The following COL22A1 variants were observed in gnomAD, a reference collection of about 807,000 sequenced individuals.
COL22A1 encodes the protein collagen alpha-1(XXII) chain.
A neutral mutation model predicts 248.9 loss-of-function variants in COL22A1; 221 were observed. The observed-to-expected ratio is 0.89, with a 90% CI of 0.80 to 0.99. COL22A1 has a LOEUF of 0.99. Ranked by LOEUF, COL22A1 falls within the 50% of genes least tolerant of loss-of-function variation. The probability of loss-of-function intolerance (pLI) is 0.00; values close to 1 mark genes in which losing one functional copy is unlikely to be tolerated. For synonymous variants in COL22A1, 891 were observed against 793.4 expected (o/e 1.12, Z -2.07); for missense variants, 2,240 against 2,179.0 (o/e 1.03, Z -0.56).
intron 3 of COL22A1, among the ~76,000 whole-genome samples, chr8:138,850,980 G>A (rs1821597553): frequency 6.6e-6 from 1 of 152,200 alleles, no homozygotes; most frequent in South Asian, 2.1e-4. Flanking sequence ...CAAGGAACAA[G>A]TGCAAACACA....
Position 138,821,353 on chromosome 8 carries a change from A to G in COL22A1, c.1028T>C (p.Met343Thr). The G allele has an allele frequency of 6.2e-7, 1 of 1,614,092 alleles. No individual in the cohort carries two copies. Among genetic ancestry groups the G allele is most frequent in the South Asian group, 1.1e-5 (1 of 91,068 alleles). ...KAVEYNAVGA[M>T]KDAVRVVFRG... ...GAAGACCACCCTGACAGCATCTTTCATGGCACCCACAGCGTTGTACTCGAC... is the reference window on the plus strand; with the variant it reads ...GAAGACCACCCTGACAGCATCTTTCGTGGCACCCACAGCGTTGTACTCGAC... Residue 343 changes from methionine (M) to threonine (T), a missense_variant, in exon 7 of 65, where the codon ATG becomes ACG. Physicochemically the swap from Met to Thr is moderately conservative, Grantham distance 81 (BLOSUM62 -1). Transcript: ENST00000303045.
At chr8:138,878,495 A>C (rs1378693573) in intron 2 of COL22A1, among the ~76,000 whole-genome samples, 179 bp from the exon 3 acceptor site, 1 of 152,062 alleles carries the variant, frequency 6.6e-6, no homozygotes, top group Non-Finnish European at 1.5e-5. Context: ...ACACCTTCAC[A>C]TGGCAATAAT....
At chr8:138,777,193 G>A (rs1005370679) in intron 15 of COL22A1, among the ~76,000 whole-genome samples, 4 of 152,168 alleles carry the variant, frequency 2.6e-5, no homozygotes, top group African/African-American at 4.8e-5. Context: ...TAGAGATAGC[G>A]GGTGCCACCC....
chr8:138,603,027 C>A (rs762238226), intron 59 of COL22A1, among the ~76,000 whole-genome samples: 1 of 152,238 alleles, frequency 6.6e-6, no homozygotes, highest in African/African-American at 2.4e-5. Flanking sequence ...CCCGGGGGCT[C>A]TTTTCCCATC....
intron 56 of COL22A1, among the ~76,000 whole-genome samples, chr8:138,610,313 G>C (rs756265010): frequency 8.5e-5 from 13 of 152,100 alleles, no homozygotes; most frequent in Admixed American, 2.0e-4. Flanking sequence ...CTTACCTCTG[G>C]GTGTCTGTAG....
In COL22A1 at chr8:138,635,085, T is replaced by C. The variant is rs554136763; in HGVS notation, c.3556-22A>G. The C allele has an allele frequency of 1.2e-4, 196 of 1,585,440 alleles. 3 individuals carry two copies. The South Asian group carries it at 2.1e-3, about 17-fold the overall frequency. On this transcript the variant is annotated intron_variant, in intron 48 of 64. Transcript: ENST00000303045. ...GACCCTAGGAAAACACAAGATGCAA[T>C]TCTTTAAAATGACTTGAAAAATACT...
At chr8:138,807,665 T>C in intron 10 of COL22A1, 103 bp downstream of exon 10, 1 of 1,097,996 alleles carries the variant, frequency 9.1e-7, no homozygotes, top group South Asian at 1.4e-5. Flanking sequence ...AGGCAAAATA[T>C]TAGCAAGGCA....
chr8:138,613,786 C>A lies in COL22A1; in HGVS notation c.3978+81G>T. The stretch of plus-strand genomic sequence containing the variant: ...TTTTTTAACAATATATACAGTGGCA[C>A]CAGAGGGAACTAACTAAATATCATT... On this transcript the variant is annotated intron_variant, in intron 56 of 64. Transcript: ENST00000303045. 3.2e-6 allele frequency: 4 copies of A among 1,233,872 alleles called. No individual in the cohort carries two copies. In the South Asian group the frequency reaches 4.8e-5, roughly 15 times the overall value. 76.4% of individuals were successfully genotyped at this position (1,233,872 alleles called of 1,614,324 possible).
At chr8:138,595,388 C>T (rs73448884) in intron 62 of COL22A1, among the ~76,000 whole-genome samples, 2,290 of 152,166 alleles carry the variant, frequency 0.015, 57 homozygotes, top group African/African-American at 0.049. Context: ...CATTTTGAAA[C>T]GGCTCTTGTC....
At chr8:138,693,579 G>A (rs760949923) in intron 35 of COL22A1, 67 bp downstream of exon 35, 16 of 1,476,312 alleles carry the variant, frequency 1.1e-5, no homozygotes, top group Non-Finnish European at 1.4e-5. Flanking sequence ...CCATAGAGCA[G>A]AGCAGACACT....
At chr8:138,600,997 G>A (rs1223016328) in intron 60 of COL22A1, among the ~76,000 whole-genome samples, 1 of 152,180 alleles carries the variant, frequency 6.6e-6, no homozygotes, top group African/African-American at 2.4e-5. Flanking sequence ...GTAGTCTAAT[G>A]GCTCCCTGGC....
chr8:138,854,004 G>A (rs1202889288), intron 3 of COL22A1, among the ~76,000 whole-genome samples: 1 of 152,200 alleles, frequency 6.6e-6, no homozygotes, highest in African/African-American at 2.4e-5. Context: ...CAAGGGTGTG[G>A]AGACCCTTTA....
rs551176671 is a variant in COL22A1, at chr8:138,741,201, C to A, written c.2086-3624G>T. Among the ~76,000 whole-genome samples the A allele has an allele frequency of 5.9e-5, 9 of 152,316 alleles. No individual in the cohort carries two copies. In the East Asian group the frequency reaches 7.7e-4, roughly 13 times the overall value. On this transcript the variant is annotated intron_variant, in intron 22 of 64. Transcript: ENST00000303045. Reference sequence around the variant, plus strand: ...ACATCTCAGCCCATCAAAATCACATCCCAGTTCAGTGCTATCTCTTCCATG... The same window carrying A: ...ACATCTCAGCCCATCAAAATCACATACCAGTTCAGTGCTATCTCTTCCATG...
At chr8:138,882,252 G>A (rs1035530417) in intron 2 of COL22A1, among the ~76,000 whole-genome samples, 1 of 151,782 alleles carries the variant, frequency 6.6e-6, no homozygotes. Context: ...TCCTCCTCTC[G>A]CAGGAACACA....
chr8:138,839,635 G>A (rs1175496711), intron 4 of COL22A1, among the ~76,000 whole-genome samples: 3 of 152,134 alleles, frequency 2.0e-5, no homozygotes, highest in African/African-American at 7.2e-5. Flanking sequence ...GGCAGGTGAG[G>A]AGGGAGGGAT....
chr8:138,594,130 G>A lies in COL22A1; in HGVS notation c.4502C>T (p.Pro1501Leu). Residue 1501 changes from proline (P) to leucine (L), a missense_variant, in exon 63 of 65, where the codon CCC becomes CTC. By Grantham distance (98) the Pro-to-Leu change is moderately conservative (BLOSUM62 -3). Transcript: ENST00000303045. Reference sequence around the variant, plus strand: ...CCCATCTTTTCCAGGGGGCCCTGGGGGCCCAGGTCTGCCTTGAGATGACTT... The same window carrying A: ...CCCATCTTTTCCAGGGGGCCCTGGGAGCCCAGGTCTGCCTTGAGATGACTT... ...YMKSSQGRPG[P>L]PGPPGKDGLP... The A allele has an allele frequency of 1.3e-6, 2 of 1,576,178 alleles. No individual in the cohort carries two copies. Among genetic ancestry groups the A allele is most frequent in the African/African-American group, 2.8e-5 (2 of 71,624 alleles).
intron 3 of COL22A1, among the ~76,000 whole-genome samples, chr8:138,856,418 AAG>A (rs1563849397): frequency 1.3e-5 from 2 of 151,856 alleles, no homozygotes; most frequent in African/African-American, 4.8e-5. Flanking sequence ...CAGCAAGAGA[AAG>A]AGAGAGAAAG....
At chr8:138,727,790 A>AGGGGC (rs1465084078) in intron 23 of COL22A1, among the ~76,000 whole-genome samples, 1 of 152,064 alleles carries the variant, frequency 6.6e-6, no homozygotes, top group Non-Finnish European at 1.5e-5. Context: ...GGAGCAACGG[A>AGGGGC]GGGGCAGGGC....
intron 16 of COL22A1, among the ~76,000 whole-genome samples, chr8:138,768,157 T>C (rs992053617): frequency 1.3e-5 from 2 of 152,098 alleles, no homozygotes; most frequent in Non-Finnish European, 2.9e-5. Flanking sequence ...GCCAAAGTGG[T>C]CTCCCCAAAA....
Sources: allele counts gnomAD v4.1 joint callset (sites outside exome capture counted in the v4.1 genomes callset), GRCh38; gene constraint gnomAD v4.1.1; transcripts MANE v1.5; gene names NCBI Gene and HGNC (gene_info 2026-07-23, HGNC 2026-07-21).